Variants in B3GALT1 observed in about 807,000 individuals in gnomAD.
B3GALT1 encodes the protein UDP-Gal:betaGlcNAc beta 1,3-galactosyltransferase, polypeptide 1.
A neutral mutation model predicts 23.2 loss-of-function variants in B3GALT1; 10 were observed. That is an observed-to-expected ratio of 0.43 (90% CI 0.27 to 0.73). The LOEUF is 0.73. Among genes scored for constraint, B3GALT1 ranks in the 30% least tolerant of loss-of-function variants. The pLI is 0.21. For missense variants in B3GALT1, 299 were observed against 405.4 expected, an observed-to-expected ratio of 0.74 and a Z score of 2.25; for synonymous variants, 156 against 141.5, an observed-to-expected ratio of 1.10 and a Z score of -0.73.
At chr2:167,609,885 G>A (rs1685028882) in intron 2 of B3GALT1, among the ~76,000 whole-genome samples, 1 of 152,086 alleles carries the variant, frequency 6.6e-6, no homozygotes, top group African/African-American at 2.4e-5. Context: ...TAAAGAAATA[G>A]ATGTGGAGCG....
At chr2:167,814,828 T>C (rs1187342207) in intron 3 of B3GALT1, 3 of 152,190 alleles carry the variant, frequency 2.0e-5, no homozygotes, top group Non-Finnish European at 4.4e-5. Context: ...ATGGAAGCAA[T>C]CTTTCTTCAC....
intron 1 of B3GALT1, among the ~76,000 whole-genome samples, chr2:167,330,055 A>C (rs1696949787): frequency 6.6e-6 from 1 of 152,052 alleles, no homozygotes; most frequent in Non-Finnish European, 1.5e-5. Flanking sequence ...CTTATTGTCT[A>C]AATCTCTTGC....
intron 2 of B3GALT1, among the ~76,000 whole-genome samples, chr2:167,566,149 C>T (rs940497573): frequency 1.3e-5 from 2 of 152,126 alleles, no homozygotes; most frequent in Non-Finnish European, 2.9e-5. Context: ...GGTACATATA[C>T]ACCATGGAAT....
At chr2:167,476,927 G>A (rs1326623039) in intron 1 of B3GALT1, among the ~76,000 whole-genome samples, 1 of 152,176 alleles carries the variant, frequency 6.6e-6, no homozygotes, top group South Asian at 2.1e-4. Flanking sequence ...TCTTAAATAA[G>A]TATTGAAGTT....
chr2:167,682,791 C>T (rs755269564), intron 3 of B3GALT1, among the ~76,000 whole-genome samples: 2 of 152,128 alleles, frequency 1.3e-5, no homozygotes, highest in African/African-American at 2.4e-5. Context: ...CCCTAGAACC[C>T]GGTAGAGCCC....
chr2:167,457,742 C>T (rs1699193830), intron 1 of B3GALT1, among the ~76,000 whole-genome samples: 1 of 152,062 alleles, frequency 6.6e-6, no homozygotes, highest in Non-Finnish European at 1.5e-5. Context: ...TGGTGTTACT[C>T]TGAGTAAATT....
At position 167,462,491 on chromosome 2, in the gene B3GALT1, A is replaced by T. The variant is rs72872821; in HGVS notation, c.-510-27686A>T. Among the ~76,000 whole-genome samples, 164 of 152,318 alleles carry T rather than the reference A, an allele frequency of 1.1e-3. 1 individual carries two copies. The highest frequency in any genetic ancestry group is 4.6e-3 in the South Asian group (22 of 4,828). On this transcript the variant is annotated intron_variant, in intron 1 of 4. Transcript: ENST00000392690. ...CATAAGCTTCTTTATTATAAGAAGA[A>T]AATCTCATTTCCATCCATTCCTCTT...
chr2:167,505,669 C>T (rs976742463), intron 2 of B3GALT1, among the ~76,000 whole-genome samples: 1 of 152,008 alleles, frequency 6.6e-6, no homozygotes, highest in African/African-American at 2.4e-5. Context: ...TCATTGATAC[C>T]CTGTTCACAA....
chr2:167,738,157 C>A (rs1687521780), intron 3 of B3GALT1, among the ~76,000 whole-genome samples: 1 of 152,102 alleles, frequency 6.6e-6, no homozygotes, highest in African/African-American at 2.4e-5. Flanking sequence ...AAATGACAGA[C>A]AAGGTTGTAA....
At chr2:167,705,139 C>T (rs1404617887) in intron 3 of B3GALT1, among the ~76,000 whole-genome samples, 2 of 152,146 alleles carry the variant, frequency 1.3e-5, no homozygotes, top group South Asian at 2.1e-4. Flanking sequence ...CAGACCTGAG[C>T]AACCTACAGC....
At chr2:167,530,195 G>A (rs770967073) in intron 2 of B3GALT1, among the ~76,000 whole-genome samples, 30 of 152,072 alleles carry the variant, frequency 2.0e-4, no homozygotes, top group South Asian at 2.1e-4. Context: ...CTGTCCAAAT[G>A]TTCTCCTCAA....
At chr2:167,363,169 C>G (rs1179231551) in intron 1 of B3GALT1, among the ~76,000 whole-genome samples, 1 of 151,408 alleles carries the variant, frequency 6.6e-6, no homozygotes, top group East Asian at 1.9e-4. Flanking sequence ...GCTTTGTTTT[C>G]TTATTGTCTA....
intron 2 of B3GALT1, among the ~76,000 whole-genome samples, chr2:167,553,918 A>G (rs1393492885): frequency 2.0e-5 from 3 of 152,204 alleles, no homozygotes; most frequent in South Asian, 4.1e-4. Context: ...GCATAATTAT[A>G]TGGTACATTT....
intron 1 of B3GALT1, among the ~76,000 whole-genome samples, chr2:167,465,414 C>T (rs896219315): frequency 1.3e-5 from 2 of 152,004 alleles, no homozygotes; most frequent in Non-Finnish European, 2.9e-5. Context: ...TTCTGGAGGC[C>T]GGAAATGCTA....
chr2:167,589,138 G>C (rs10182569), intron 2 of B3GALT1, among the ~76,000 whole-genome samples: 27,603 of 151,976 alleles, frequency 0.18, 2,581 homozygotes, highest in Non-Finnish European at 0.2. Context: ...TAGAGATAGG[G>C]TCTCCTTATA....
At chr2:167,606,025 G>A (rs1079440) in intron 2 of B3GALT1, among the ~76,000 whole-genome samples, 120,785 of 152,058 alleles carry the variant, frequency 0.79, 48,023 homozygotes, top group Admixed American at 0.87. Flanking sequence ...TATCCTCCCT[G>A]CCCCATTCCT....
intron 2 of B3GALT1, among the ~76,000 whole-genome samples, chr2:167,599,492 A>G (rs1684836148): frequency 6.6e-6 from 1 of 152,214 alleles, no homozygotes; most frequent in Non-Finnish European, 1.5e-5. Flanking sequence ...TCTGTTATAG[A>G]TTAGGCTTCA....
intron 1 of B3GALT1, among the ~76,000 whole-genome samples, chr2:167,324,579 G>A (rs1344724305): frequency 6.6e-6 from 1 of 151,988 alleles, no homozygotes; most frequent in Admixed American, 6.6e-5. Context: ...GCTTTTTAAT[G>A]TTAAATTTTT....
chr2:167,666,459 G>A (rs1285618870), intron 3 of B3GALT1, among the ~76,000 whole-genome samples: 4 of 152,008 alleles, frequency 2.6e-5, no homozygotes, highest in East Asian at 1.9e-4. Flanking sequence ...GTAGATGTCT[G>A]TTAGGTCCGC....
Sources: allele counts gnomAD v4.1 joint callset (sites outside exome capture counted in the v4.1 genomes callset), GRCh38; gene constraint gnomAD v4.1.1; transcripts MANE v1.5; gene names NCBI Gene and HGNC (gene_info 2026-07-23, HGNC 2026-07-21).